Variants in XKRX observed in about 807,000 individuals in gnomAD.
XKRX encodes the protein XK-related protein 2.
XKRX carries 11 observed loss-of-function variants against 22.4 expected under a neutral mutation model. The observed-to-expected ratio is 0.49, with a 90% CI of 0.31 to 0.81. The LOEUF (loss-of-function observed/expected upper bound fraction) is 0.81. Among genes scored for constraint, XKRX ranks in the 40% least tolerant of loss-of-function variants. The probability of loss-of-function intolerance (pLI) is 0.05; values close to 1 mark genes in which losing one functional copy is unlikely to be tolerated. For synonymous variants in XKRX, 114 were observed against 132.2 expected (o/e 0.86, Z 0.94); for missense variants, 320 against 336.5 (o/e 0.95, Z 0.38).
chrX:100,917,305 A>G (rs1164342477), intron 2 of XKRX, among the ~76,000 whole-genome samples: 1 of 109,899 alleles, frequency 9.1e-6, no homozygotes, highest in Non-Finnish European at 1.9e-5. Flanking sequence ...AAAATAAAAA[A>G]TAAAACTAAT....
At chrX:100,896,417 T>C in the XKRX span, among the ~76,000 whole-genome samples, 1 of 111,981 alleles carries the variant, frequency 8.9e-6, no homozygotes, top group Non-Finnish European at 1.9e-5. Flanking sequence ...TCTGGATGTA[T>C]GAAGTGAAAA....
chrX:100,950,382 G>A, the XKRX span, among the ~76,000 whole-genome samples: 3 of 112,075 alleles, frequency 2.7e-5, no homozygotes, highest in Non-Finnish European at 5.6e-5. Context: ...ACAACAGACT[G>A]CAAAATACAT....
the XKRX span, among the ~76,000 whole-genome samples, chrX:100,941,287 C>T: frequency 8.9e-6 from 1 of 112,201 alleles, no homozygotes; most frequent in African/African-American, 3.2e-5. Flanking sequence ...TGGCTCATGC[C>T]TGTAATCCTA....
chrX:100,920,100 A>C (rs1414780707), intron 2 of XKRX, among the ~76,000 whole-genome samples: 1 of 110,766 alleles, frequency 9.0e-6, no homozygotes, highest in African/African-American at 3.3e-5. Flanking sequence ...CATCATGGGA[A>C]CTTAACTAAA....
the XKRX span, chrX:100,957,688 T>C: frequency 2.5e-6 from 1 of 399,643 alleles, no homozygotes; most frequent in Admixed American, 4.4e-5. Context: ...TGATGAGAGA[T>C]GAAAAAAACA....
chrX:100,927,751 G>A (rs2085504020), intron 1 of XKRX, among the ~76,000 whole-genome samples: 1 of 112,008 alleles, frequency 8.9e-6, no homozygotes, highest in African/African-American at 3.2e-5. Context: ...AAATAGCATC[G>A]TTCATTGTTT....
chrX:100,937,671 G>A, the XKRX span, among the ~76,000 whole-genome samples: 29 of 112,112 alleles, frequency 2.6e-4, no homozygotes, highest in Admixed American at 4.7e-4. Context: ...CCAGAGTTAA[G>A]GTCAACTTCA....
the XKRX span, among the ~76,000 whole-genome samples, chrX:100,953,021 G>C: frequency 8.9e-6 from 1 of 112,479 alleles, no homozygotes; most frequent in African/African-American, 3.2e-5. Context: ...GGACGACAGG[G>C]CTGGGCATGG....
At chrX:100,951,213 G>A in the XKRX span, among the ~76,000 whole-genome samples, 101 of 85,725 alleles carry the variant, frequency 1.2e-3, 2 homozygotes, top group East Asian at 0.029. Flanking sequence ...CAGCTTGGGC[G>A]ACAAGAGCGA....
downstream of XKRX, chrX:100,911,190 TA>T: frequency 1.5e-6 from 1 of 670,752 alleles, no homozygotes; most frequent in Non-Finnish European, 2.5e-6. Flanking sequence ...GATGGCTTTA[TA>T]AGAAAACCAC....
At chrX:100,919,785 A>C (rs2085462964) in intron 2 of XKRX, among the ~76,000 whole-genome samples, 1 of 112,105 alleles carries the variant, frequency 8.9e-6, no homozygotes, top group Non-Finnish European at 1.9e-5. Flanking sequence ...GCACATTTGT[A>C]TACTGTTGGT....
rs1303412284 is a variant in XKRX, at chrX:100,914,233, A to AAAATGTACTG, written c.*95_*104dup. The stretch of plus-strand genomic sequence containing the variant: ...TGATAGGCTTAACAGAAAAGTCAAG[A>AAAATGTACTG]AAATGTACTGATGGGTATCTCACCC... On this transcript the variant is annotated 3_prime_UTR_variant, in exon 3 of 3. Coordinates refer to ENST00000372956, the MANE Select transcript of XKRX (RefSeq NM_212559.3). 34 of 969,028 alleles carry AAAATGTACTG rather than the reference A, an allele frequency of 3.5e-5. No individual in the cohort carries two copies. The African/African-American group carries it at 6.7e-4, about 19-fold the overall frequency. The allele number at this position is 969,028 out of a possible 1,213,427, so 79.9% of individuals were successfully genotyped here. A position where few individuals can be genotyped will look rare whatever the true frequency, so the allele number is the denominator to read the frequency against.
chrX:100,888,701 AG>A, the XKRX span: 1 of 297,343 alleles, frequency 3.4e-6, no homozygotes, highest in Non-Finnish European at 5.9e-6. Context: ...TAGAGTGATC[AG>A]GGAAGTCCTT....
At chrX:100,945,628 G>C in the XKRX span, among the ~76,000 whole-genome samples, 2 of 110,074 alleles carry the variant, frequency 1.8e-5, no homozygotes, top group Non-Finnish European at 3.8e-5. Flanking sequence ...CTGTTTTTTA[G>C]CTATGAAATC....
At chrX:100,917,634 G>GAAAGAAAGAAAGAAAGAAAGA (rs1556193289) in intron 2 of XKRX, among the ~76,000 whole-genome samples, 1 of 49,034 alleles carries the variant, frequency 2.0e-5, no homozygotes, top group African/African-American at 1.1e-4. Flanking sequence ...GAGAAAGAAA[G>GAAAGAAAGAAAGAAAGAAAGA]AAGAAAGAAA....
At chrX:100,911,172 T>C, downstream of XKRX, 5 of 602,343 alleles carry the variant, frequency 8.3e-6, no homozygotes, top group Non-Finnish European at 1.5e-5. Flanking sequence ...AAAGTCTGCT[T>C]TGTTGGAGAT....
chrX:100,949,381 A>ATTTTTT, the XKRX span, among the ~76,000 whole-genome samples: 4 of 86,940 alleles, frequency 4.6e-5, no homozygotes, highest in Non-Finnish European at 6.4e-5. Flanking sequence ...TTTTTTTTTG[A>ATTTTTT]GAGAGACGGA....
At chrX:100,917,718 G>GAAAGAAAGAAAGAAAGAAAGAAAGAAAGA (rs1556194341) in intron 2 of XKRX, among the ~76,000 whole-genome samples, 1 of 85,764 alleles carries the variant, frequency 1.2e-5, no homozygotes, top group African/African-American at 3.7e-5. Context: ...AAGAAAGAAA[G>GAAAGAAAGAAAGAAAGAAAGAAAGAAAGA]AAAGAAATCC....
At chrX:100,904,530 C>T in the XKRX span, among the ~76,000 whole-genome samples, 1,342 of 112,444 alleles carry the variant, frequency 0.012, 19 homozygotes, top group African/African-American at 0.041. Flanking sequence ...CTTTCAACTT[C>T]ATTCTTAATT....
Sources: allele counts gnomAD v4.1 joint callset (sites outside exome capture counted in the v4.1 genomes callset), GRCh38; gene constraint gnomAD v4.1.1; transcripts MANE v1.5; gene names NCBI Gene and HGNC (gene_info 2026-07-23, HGNC 2026-07-21).